The following MARCHF3 variants were observed in gnomAD, a reference collection of about 807,000 sequenced individuals.
The protein encoded by MARCHF3 is E3 ubiquitin-protein ligase MARCHF3.
MARCHF3 carries 13 observed loss-of-function variants against 24.2 expected under a neutral mutation model. That is an observed-to-expected ratio of 0.54 (90% CI 0.35 to 0.85). MARCHF3 has a LOEUF of 0.85. Among genes scored for constraint, MARCHF3 ranks in the 40% least tolerant of loss-of-function variants. MARCHF3 has a pLI of 0.01. For missense variants in MARCHF3, 276 were observed against 325.0 expected (o/e 0.85, Z 1.16); for synonymous variants, 144 against 137.3 (o/e 1.05, Z -0.34).
intron 3 of MARCHF3, among the ~76,000 whole-genome samples, chr5:126,903,697 G>C (rs2126784540): frequency 6.6e-6 from 1 of 152,018 alleles, no homozygotes. Context: ...GTGAATTCTT[G>C]AATCTATTAA....
intron 1 of MARCHF3, among the ~76,000 whole-genome samples, chr5:127,006,144 A>G (rs979033624): frequency 6.6e-6 from 1 of 150,644 alleles, no homozygotes; most frequent in Non-Finnish European, 1.5e-5. Flanking sequence ...CGGAGGTTGC[A>G]GTGAGCCGAG....
At chr5:126,874,125 C>T (rs886494388) in intron 4 of MARCHF3, among the ~76,000 whole-genome samples, 6 of 152,182 alleles carry the variant, frequency 3.9e-5, no homozygotes, top group South Asian at 2.1e-4. Context: ...TTATGGGATG[C>T]GCTTCCTGAA....
chr5:127,028,748 C>T (rs1753081578), intron 1 of MARCHF3, among the ~76,000 whole-genome samples: 1 of 152,060 alleles, frequency 6.6e-6, no homozygotes, highest in Non-Finnish European at 1.5e-5. Context: ...CTCCCCAAGC[C>T]GTGGCTATAA....
chr5:126,991,315 G>T (rs549646074), intron 1 of MARCHF3, among the ~76,000 whole-genome samples: 1 of 152,122 alleles, frequency 6.6e-6, no homozygotes, highest in South Asian at 2.1e-4. Flanking sequence ...ACCAAATACC[G>T]CATGTTCTCA....
At chr5:126,972,818 C>CA (rs1346557306) in intron 1 of MARCHF3, among the ~76,000 whole-genome samples, 1 of 151,974 alleles carries the variant, frequency 6.6e-6, no homozygotes, top group Non-Finnish European at 1.5e-5. Context: ...AAAAAAACAC[C>CA]AAAAAAACCC....
chr5:126,906,579 T>C (rs1754306119), intron 3 of MARCHF3, among the ~76,000 whole-genome samples: 1 of 152,246 alleles, frequency 6.6e-6, no homozygotes, highest in Non-Finnish European at 1.5e-5. Flanking sequence ...TATCAATTTC[T>C]TCTAGATTTT....
chr5:126,996,028 A>AT (rs1374248416), intron 1 of MARCHF3, among the ~76,000 whole-genome samples: 4 of 152,242 alleles, frequency 2.6e-5, no homozygotes, highest in African/African-American at 9.6e-5. Flanking sequence ...CTTAGGGACA[A>AT]TTTTGCACAC....
chr5:126,980,491 C>A (rs1465378448), intron 1 of MARCHF3, among the ~76,000 whole-genome samples: 1 of 152,046 alleles, frequency 6.6e-6, no homozygotes, highest in African/African-American at 2.4e-5. Context: ...CTGCCTCAGC[C>A]TCCTGAATAG....
At chr5:126,926,169 T>G (rs1158396991) in intron 1 of MARCHF3, among the ~76,000 whole-genome samples, 2 of 152,202 alleles carry the variant, frequency 1.3e-5, no homozygotes, top group Non-Finnish European at 2.9e-5. Context: ...TGCTAATTCT[T>G]AACCCAAGCC....
Position 126,911,140 on chromosome 5 carries a change from T to C in MARCHF3, c.393+3790A>G, listed in dbSNP as rs376555192. On this transcript the variant is annotated intron_variant, in intron 3 of 4. Coordinates refer to ENST00000308660, the MANE Select transcript of MARCHF3 (RefSeq NM_178450.5). ...CCTGATAAGATGTTATCAATGACAATGCATGCCTGAAACTTCATTAGCAAT... is the reference window on the plus strand; with the variant it reads ...CCTGATAAGATGTTATCAATGACAACGCATGCCTGAAACTTCATTAGCAAT... Among the ~76,000 whole-genome samples the C allele has an allele frequency of 5.9e-5, 9 of 152,334 alleles. No homozygotes were observed. In the East Asian group the frequency reaches 9.6e-4, roughly 16 times the overall value.
rs903960263 is a variant in MARCHF3 at position 126,947,788 on chromosome 5, C to G, written c.-56-29561G>C. ...TCCTCCCCTTCCTACCTCACCCTGG[C>G]CAATCTTTTTCTTGGTGCAGGATGT... On this transcript the variant is annotated intron_variant, in intron 1 of 4. Coordinates refer to ENST00000308660, the MANE Select transcript of MARCHF3 (RefSeq NM_178450.5). Among the ~76,000 whole-genome samples the G allele has an allele frequency of 1.3e-5, 2 of 152,138 alleles. 1 individual carries two copies. Among genetic ancestry groups the G allele is most frequent in the Middle Eastern group, 6.8e-3 (2 of 294 alleles).
At chr5:126,957,791 C>T (rs1330001006) in intron 1 of MARCHF3, among the ~76,000 whole-genome samples, 3 of 152,016 alleles carry the variant, frequency 2.0e-5, no homozygotes, top group African/African-American at 7.2e-5. Flanking sequence ...TGTTGTTTAT[C>T]CTTCCTGATA....
chr5:126,987,826 C>T (rs1751617597), intron 1 of MARCHF3, among the ~76,000 whole-genome samples: 1 of 152,132 alleles, frequency 6.6e-6, no homozygotes, highest in African/African-American at 2.4e-5. Flanking sequence ...CCTCACTCTC[C>T]TCCCCTACTC....
chr5:126,915,274 A>G (rs887058052), intron 2 of MARCHF3, 140 bp from the exon 3 acceptor site: 2 of 745,604 alleles, frequency 2.7e-6, no homozygotes, highest in South Asian at 1.8e-5. Flanking sequence ...GACCTTGGCA[A>G]TGGGGCAAAT....
At chr5:127,022,756 T>C (rs1223545617) in intron 1 of MARCHF3, among the ~76,000 whole-genome samples, 2 of 152,230 alleles carry the variant, frequency 1.3e-5, no homozygotes, top group Non-Finnish European at 2.9e-5. Flanking sequence ...CATGACCTAA[T>C]CTGGGGTTGC....
intron 3 of MARCHF3, among the ~76,000 whole-genome samples, chr5:126,909,115 T>A (rs1376081853): frequency 6.6e-6 from 1 of 152,208 alleles, no homozygotes; most frequent in Non-Finnish European, 1.5e-5. Flanking sequence ...TGGGGGTGCC[T>A]CCCAGTTAGG....
At chr5:126,934,157 C>T (rs1449697393) in intron 1 of MARCHF3, among the ~76,000 whole-genome samples, 1 of 152,166 alleles carries the variant, frequency 6.6e-6, no homozygotes, top group Non-Finnish European at 1.5e-5. Flanking sequence ...CCTGACAGAA[C>T]CTCTCTACTT....
intron 1 of MARCHF3, among the ~76,000 whole-genome samples, chr5:126,969,004 T>C (rs528019664): frequency 3.5e-4 from 53 of 152,332 alleles, no homozygotes; most frequent in African/African-American, 1.2e-3. Flanking sequence ...GCACAAAGTT[T>C]CAAATTTTAA....
At chr5:126,937,339 T>TC (rs1749679036) in intron 1 of MARCHF3, among the ~76,000 whole-genome samples, 1 of 152,216 alleles carries the variant, frequency 6.6e-6, no homozygotes, top group South Asian at 2.1e-4. Flanking sequence ...CCTTTTTTTT[T>TC]CTTTTTAACA....
Sources: allele counts gnomAD v4.1 joint callset (sites outside exome capture counted in the v4.1 genomes callset), GRCh38; gene constraint gnomAD v4.1.1; transcripts MANE v1.5; gene names NCBI Gene and HGNC (gene_info 2026-07-23, HGNC 2026-07-21).